TNIK: variants seen among roughly 807,000 people sequenced by gnomAD.
TNIK encodes TRAF2 and NCK-interacting protein kinase.
TNIK carries 49 observed loss-of-function variants against 191.3 expected under a neutral mutation model. The observed-to-expected ratio is 0.26, with a 90% CI of 0.20 to 0.32. TNIK has a LOEUF of 0.32. Ranked by LOEUF, TNIK falls within the 10% of genes least tolerant of loss-of-function variation. The pLI, the probability that TNIK is intolerant of heterozygous loss-of-function variation, is 1.00. For missense variants in TNIK, 1,155 were observed against 1,702.3 expected (o/e 0.68, Z 5.66); for synonymous variants, 594 against 600.9 (o/e 0.99, Z 0.17).
chr3:171,346,928 G>C (rs978519562), intron 2 of TNIK: 3 of 480,674 alleles, frequency 6.2e-6, no homozygotes, highest in South Asian at 7.2e-5. Flanking sequence ...AAACAGGAGA[G>C]AGACATGATC....
chr3:171,286,244 A>G (rs1334247663), intron 2 of TNIK, among the ~76,000 whole-genome samples: 1 of 152,210 alleles, frequency 6.6e-6, no homozygotes, highest in Non-Finnish European at 1.5e-5. Context: ...TGTAACAGAT[A>G]TCTGAGGAGT....
intron 16 of TNIK, among the ~76,000 whole-genome samples, chr3:171,127,397 A>G (rs772467208): frequency 3.9e-5 from 6 of 152,006 alleles, no homozygotes; most frequent in Non-Finnish European, 8.8e-5. Context: ...AATATCTAGT[A>G]TAAAACACAA....
intron 9 of TNIK, among the ~76,000 whole-genome samples, chr3:171,171,150 T>C (rs950173074): frequency 2.0e-5 from 3 of 151,796 alleles, no homozygotes; most frequent in African/African-American, 7.3e-5. Flanking sequence ...GCAGGAGGAG[T>C]CAACTGGGCT....
rs1424278916 is a variant in TNIK at position 171,063,573 on chromosome 3, G to A, written c.*308C>T. 4.1e-6 allele frequency: 1 copy of A among 243,696 alleles called. No individual in the cohort carries two copies. Among genetic ancestry groups the A allele is most frequent in the Non-Finnish European group, 7.9e-6 (1 of 127,322 alleles). 15.1% of individuals were successfully genotyped at this position (243,696 alleles called of 1,614,324 possible). On this transcript the variant is annotated 3_prime_UTR_variant, in exon 33 of 33. Transcript: ENST00000436636. ...AAACCCACCATAACACAGCTTAATCGTTAAGAGCACACAATATTTGTTTCT... is the reference window on the plus strand; with the variant it reads ...AAACCCACCATAACACAGCTTAATCATTAAGAGCACACAATATTTGTTTCT...
rs183927046 is a variant in TNIK, at chr3:171,061,412, C to T, written c.*2469G>A. 1.1e-4 allele frequency: 17 copies of T among 152,294 alleles called. No individual in the cohort carries two copies. Among genetic ancestry groups the T allele is most frequent in the Admixed American group, 1.0e-3 (16 of 15,296 alleles). The allele number at this position is 152,294 out of a possible 1,614,324, so 9.4% of individuals were successfully genotyped here. A position where few individuals can be genotyped will look rare whatever the true frequency, so the allele number is the denominator to read the frequency against. The stretch of plus-strand genomic sequence containing the variant: ...GTTCTATGTTATGTCACTGTACATA[C>T]TGTAAACAAGACTGCATTAATATTG... On this transcript the variant is annotated 3_prime_UTR_variant, in exon 33 of 33. Transcript: ENST00000436636.
chr3:171,394,162 C>T (rs894832077), intron 1 of TNIK, among the ~76,000 whole-genome samples: 4 of 152,160 alleles, frequency 2.6e-5, no homozygotes, highest in African/African-American at 9.7e-5. Flanking sequence ...GTGACCCTTC[C>T]CCCTGTTTGA....
At chr3:171,153,352 A>G (rs1033514113) in intron 12 of TNIK, among the ~76,000 whole-genome samples, 1 of 151,538 alleles carries the variant, frequency 6.6e-6, no homozygotes, top group African/African-American at 2.4e-5. Flanking sequence ...AATAATTCCT[A>G]TTTTTCTTAT....
Position 171,087,201 on chromosome 3 carries a change from T to C in TNIK, c.2886+141A>G, listed in dbSNP as rs552852850. 9.0e-5 allele frequency: 106 copies of C among 1,171,790 alleles called. No homozygotes were observed. In the African/African-American group the frequency reaches 1.6e-3, roughly 18 times the overall value. 72.6% of individuals were successfully genotyped at this position (1,171,790 alleles called of 1,614,324 possible). The stretch of plus-strand genomic sequence containing the variant: ...CTTCCATGATTTCTCTATTTGAGTA[T>C]CTGCATAAGTAGCTCTATGGTAGAA... On this transcript the variant is annotated intron_variant, in intron 24 of 32. Coordinates refer to ENST00000436636, the MANE Select transcript of TNIK (RefSeq NM_015028.4).
chr3:171,378,469 C>T (rs1182540755), intron 1 of TNIK, among the ~76,000 whole-genome samples: 1 of 152,142 alleles, frequency 6.6e-6, no homozygotes, highest in Non-Finnish European at 1.5e-5. Flanking sequence ...TGTAAAGCAA[C>T]ATCTAGCATA....
intron 20 of TNIK, 177 bp downstream of exon 20, chr3:171,107,888 C>G: frequency 3.7e-6 from 2 of 541,150 alleles, no homozygotes; most frequent in Non-Finnish European, 6.2e-6. Flanking sequence ...GGAGTCAATC[C>G]AAGATCTCTT....
chr3:171,429,512 T>C (rs79345709), intron 1 of TNIK, among the ~76,000 whole-genome samples: 6,768 of 152,264 alleles, frequency 0.044, 498 homozygotes, highest in African/African-American at 0.15. Context: ...ATTTTCCCCT[T>C]TGAAATTCTT....
At chr3:171,097,262 A>C (rs1722852549) in intron 22 of TNIK, among the ~76,000 whole-genome samples, 1 of 152,228 alleles carries the variant, frequency 6.6e-6, no homozygotes, top group African/African-American at 2.4e-5. Context: ...GATCTAAGTA[A>C]CCTTGGAAAT....
chr3:171,201,260 G>A (rs1431005761), intron 4 of TNIK, among the ~76,000 whole-genome samples: 5 of 152,104 alleles, frequency 3.3e-5, no homozygotes, highest in Admixed American at 2.0e-4. Flanking sequence ...TTAGGCAGGC[G>A]TGGTGGTGCA....
intron 12 of TNIK, among the ~76,000 whole-genome samples, chr3:171,153,668 C>T (rs771208927): frequency 6.6e-6 from 1 of 152,204 alleles, no homozygotes; most frequent in Non-Finnish European, 1.5e-5. Context: ...GATTCTGTTC[C>T]CTTAGTGAAG....
At chr3:171,087,553 G>C in intron 23 of TNIK, 47 bp from the exon 24 acceptor site, 3 of 1,596,536 alleles carry the variant, frequency 1.9e-6, no homozygotes, top group Non-Finnish European at 2.6e-6. Flanking sequence ...GGGGAAAAAG[G>C]CCACAGAGTG....
chr3:171,154,406 G>A (rs1732902720), intron 12 of TNIK, among the ~76,000 whole-genome samples: 1 of 152,154 alleles, frequency 6.6e-6, no homozygotes, highest in South Asian at 2.1e-4. Flanking sequence ...AGTCTTGAAA[G>A]AATAAAACAT....
At chr3:171,400,017 T>C (rs896664410) in intron 1 of TNIK, among the ~76,000 whole-genome samples, 1 of 152,142 alleles carries the variant, frequency 6.6e-6, no homozygotes. Context: ...ATTGTCAGGA[T>C]CACAGGACAC....
intron 3 of TNIK, among the ~76,000 whole-genome samples, chr3:171,224,239 C>A (rs941408888): frequency 6.6e-6 from 1 of 152,166 alleles, no homozygotes; most frequent in Admixed American, 6.6e-5. Context: ...TTAATTCATA[C>A]AAGCTAGTAA....
chr3:171,140,592 C>A, intron 12 of TNIK, 83 bp from the exon 13 acceptor site: 2 of 1,287,240 alleles, frequency 1.6e-6, no homozygotes. Context: ...AGCTGTTGAA[C>A]CCCAGACATG....
Sources: gnomAD v4.1 joint callset for allele counts (sites outside exome capture counted in the v4.1 genomes callset) on GRCh38, gnomAD v4.1.1 for gene constraint, MANE v1.5 for transcripts, NCBI Gene and HGNC (gene_info 2026-07-23, HGNC 2026-07-21) for gene names.